Variants in CDH4 observed in about 807,000 individuals in gnomAD.
CDH4 encodes cadherin-4.
In CDH4, 33 loss-of-function variants were observed where a neutral mutation model predicts 86.0. The observed-to-expected ratio is 0.38, with a 90% CI of 0.29 to 0.51. The LOEUF (loss-of-function observed/expected upper bound fraction) is 0.51, where lower values mean the gene tolerates loss of function less well. Among genes scored for constraint, CDH4 ranks in the 20% least tolerant of loss-of-function variants. The pLI is 0.86. For missense variants in CDH4, 1,114 were observed against 1,307.4 expected (o/e 0.85, Z 2.28); for synonymous variants, 555 against 549.4 (o/e 1.01, Z -0.14).
intron 3 of CDH4, among the ~76,000 whole-genome samples, chr20:61,746,593 C>T (rs1350103227): frequency 6.6e-6 from 1 of 152,190 alleles, no homozygotes; most frequent in Non-Finnish European, 1.5e-5. Context: ...GAGCAGCCAC[C>T]CAGGGTGTGG....
At chr20:61,290,947 C>G (rs2084317272) in intron 2 of CDH4, among the ~76,000 whole-genome samples, 1 of 152,190 alleles carries the variant, frequency 6.6e-6, no homozygotes. Context: ...ATCTTTCCAT[C>G]TCTTGGCTTG....
chr20:61,922,193 C>T (rs1381823759), intron 9 of CDH4, among the ~76,000 whole-genome samples: 4 of 152,200 alleles, frequency 2.6e-5, no homozygotes, highest in Admixed American at 6.5e-5. Context: ...TTACTTTGCA[C>T]GTATCTAAGC....
chr20:61,838,640 C>G (rs1024432003), intron 4 of CDH4, among the ~76,000 whole-genome samples: 2 of 151,978 alleles, frequency 1.3e-5, no homozygotes, highest in Non-Finnish European at 2.9e-5. Flanking sequence ...AACCCCGTCT[C>G]TCCTAAAAGT....
chr20:61,275,282 TGGG>T (rs1278681916), intron 2 of CDH4, among the ~76,000 whole-genome samples: 6 of 111,890 alleles, frequency 5.4e-5, no homozygotes, highest in African/African-American at 7.1e-5. Flanking sequence ...CATGCGCAGT[TGGG>T]GGGAGCACCG....
At chr20:61,748,186 G>A (rs2088443123) in intron 3 of CDH4, among the ~76,000 whole-genome samples, 1 of 152,180 alleles carries the variant, frequency 6.6e-6, no homozygotes, top group Non-Finnish European at 1.5e-5. Context: ...AGACTGCAGT[G>A]CAGTGGCGCA....
At chr20:61,926,658 G>T (rs1399624138) in intron 11 of CDH4, among the ~76,000 whole-genome samples, 1 of 152,188 alleles carries the variant, frequency 6.6e-6, no homozygotes, top group Non-Finnish European at 1.5e-5. Context: ...GGATCATGAG[G>T]TCAGGAGTTC....
intron 2 of CDH4, among the ~76,000 whole-genome samples, 200 bp from the exon 3 acceptor site, chr20:61,743,363 C>T (rs376449809): frequency 7.9e-5 from 12 of 152,204 alleles, no homozygotes; most frequent in African/African-American, 2.9e-4. Flanking sequence ...TTCTTCCCCC[C>T]CTTTTTTAAA....
chr20:61,423,345 G>A (rs2085190699), intron 2 of CDH4, among the ~76,000 whole-genome samples: 7 of 152,142 alleles, frequency 4.6e-5, no homozygotes. Context: ...AGATGCAGAG[G>A]CCACTGCCTC....
At chr20:61,319,075 G>A (rs148722049) in intron 2 of CDH4, among the ~76,000 whole-genome samples, 393 of 152,288 alleles carry the variant, frequency 2.6e-3, no homozygotes, top group African/African-American at 7.6e-3. Context: ...AGCACTGAGC[G>A]CTTGCCCTGT....
intron 4 of CDH4, among the ~76,000 whole-genome samples, chr20:61,839,876 TG>T (rs1982078066): frequency 6.6e-6 from 1 of 151,578 alleles, no homozygotes; most frequent in Non-Finnish European, 1.5e-5. Context: ...ATTGTGTGCT[TG>T]TGTGGTGTGT....
chr20:61,355,108 T>C (rs557030754), intron 2 of CDH4, among the ~76,000 whole-genome samples: 1 of 152,290 alleles, frequency 6.6e-6, no homozygotes, highest in South Asian at 2.1e-4. Context: ...GCTGCAGTCA[T>C]TGAGTAGGGA....
chr20:61,616,783 A>G (rs1402915803), intron 2 of CDH4, among the ~76,000 whole-genome samples: 4 of 152,170 alleles, frequency 2.6e-5, no homozygotes, highest in African/African-American at 9.7e-5. Context: ...TCTTGATTTC[A>G]GGGCTGACCT....
chr20:61,821,221 C>T (rs1981012740), intron 4 of CDH4, among the ~76,000 whole-genome samples: 1 of 135,744 alleles, frequency 7.4e-6, no homozygotes, highest in South Asian at 2.5e-4. Flanking sequence ...CCCCATGCAG[C>T]CCCCACCCCA....
rs1310574898 is a variant in CDH4, at chr20:61,761,927, AGCAGGCAGCGCCGCACG to A, written c.397-11066_397-11050del. ...CTCCGCACAGCAGGCAGCTCCGCAC[AGCAGGCAGCGCCGCACG>A]GCAGGCAGCTCCGCACAGCAGGACC... is the stretch of plus-strand genomic sequence containing the variant. On this transcript the variant is annotated intron_variant, in intron 3 of 15. Transcript: ENST00000614565. Among the ~76,000 whole-genome samples the A allele has an allele frequency of 4.3e-4, 65 of 152,192 alleles. 1 individual carries two copies. The highest frequency in any genetic ancestry group is 1.5e-3 in the African/African-American group (63 of 41,530).
At position 61,676,511 on chromosome 20, in the gene CDH4, A is replaced by T. The variant is rs6061308; in HGVS notation, c.170-67052A>T. Reference sequence around the variant, plus strand: ...GGAGCAGGGTGGAGGGGGACAGACAAAAGGGAGGTGAGAAAACTCCTTGTC... The same window carrying T: ...GGAGCAGGGTGGAGGGGGACAGACATAAGGGAGGTGAGAAAACTCCTTGTC... On this transcript the variant is annotated intron_variant, in intron 2 of 15. Coordinates refer to ENST00000614565, the MANE Select transcript of CDH4 (RefSeq NM_001794.5). The surrounding 1 kb of genome is among the most constrained non-coding windows in gnomAD (Gnocchi z 4.5). Among the ~76,000 whole-genome samples, 115,575 of 151,878 alleles carry T rather than the reference A, an allele frequency of 0.76. 44,442 individuals are homozygous for T. Among genetic ancestry groups the T allele is most frequent in the East Asian group, 0.88 (4,481 of 5,110 alleles).
chr20:61,733,681 G>A (rs988515346), intron 2 of CDH4, among the ~76,000 whole-genome samples: 1 of 151,780 alleles, frequency 6.6e-6, no homozygotes, highest in East Asian at 1.9e-4. Flanking sequence ...GAGAAAGAGA[G>A]AAAGAAAGGA....
At chr20:61,333,874 G>A (rs1263188524) in intron 2 of CDH4, among the ~76,000 whole-genome samples, 1 of 152,276 alleles carries the variant, frequency 6.6e-6, no homozygotes, top group African/African-American at 2.4e-5. Context: ...TCCTGCCAGG[G>A]CCTGGCAATG....
chr20:61,638,826 C>T (rs576770812), intron 2 of CDH4, among the ~76,000 whole-genome samples: 1 of 152,284 alleles, frequency 6.6e-6, no homozygotes, highest in South Asian at 2.1e-4. Context: ...AAAGGTGACC[C>T]TGAAAACTGA....
At chr20:61,391,592 G>A (rs563831148) in intron 2 of CDH4, among the ~76,000 whole-genome samples, 2 of 152,316 alleles carry the variant, frequency 1.3e-5, no homozygotes, top group South Asian at 2.1e-4. Context: ...GTATCTGTTG[G>A]TCTCATTTCC....
Sources: allele counts gnomAD v4.1 joint callset (sites outside exome capture counted in the v4.1 genomes callset), GRCh38; gene constraint gnomAD v4.1.1; non-coding constraint Gnocchi (gnomAD v3.1); transcripts MANE v1.5; gene names NCBI Gene and HGNC (gene_info 2026-07-23, HGNC 2026-07-21).